Variants in CDH24 observed in about 807,000 individuals in gnomAD.
The protein encoded by CDH24 is cadherin 24.
In CDH24, 61 loss-of-function variants were observed where a neutral mutation model predicts 71.2. That is an observed-to-expected ratio of 0.86 (90% CI 0.70 to 1.06). CDH24 has a LOEUF of 1.06. Among genes scored for constraint, CDH24 ranks in the 50% least tolerant of loss-of-function variants. The probability of loss-of-function intolerance (pLI) is 0.00; values close to 1 mark genes in which losing one functional copy is unlikely to be tolerated. For missense variants in CDH24, 961 were observed against 1,083.7 expected (o/e 0.89, Z 1.59); for synonymous variants, 440 against 470.2 (o/e 0.94, Z 0.83).
At position 23,055,303 on chromosome 14, in the gene CDH24, G is replaced by A. The variant is rs139825200; in HGVS notation, c.252C>T (p.Thr84=). The A allele has an allele frequency of 1.3e-5, 21 of 1,611,240 alleles. No homozygotes were observed. Among genetic ancestry groups the A allele is most frequent in the African/African-American group, 9.4e-5 (7 of 74,820 alleles). Reference sequence around the variant, plus strand: ...CAAATACGGTGCCTGCCCCCTCCCCGGTCAACAGGTACTTGGTGCGGCCCT... The same window carrying A: ...CAAATACGGTGCCTGCCCCCTCCCCAGTCAACAGGTACTTGGTGCGGCCCT... ...RGEGRTKYLL[T]GEGAGTVFVI... The change falls in exon 3 of 13, where the codon ACC becomes ACT. Residue 84 remains threonine (T), a synonymous_variant. Transcript: ENST00000487137. This position sits in a 1 kb window ranked among gnomAD's most constrained non-coding sequence, Gnocchi z 4.1.
Position 23,049,079 on chromosome 14 carries a change from C to T in CDH24, c.1794G>A (p.Gly598=), listed in dbSNP as rs760073680. The T allele has an allele frequency of 6.2e-7, 1 of 1,612,508 alleles. No homozygotes were observed. The highest frequency in any genetic ancestry group is 8.5e-7 in the Non-Finnish European group (1 of 1,179,728). The change falls in exon 11 of 13, where the codon GGG becomes GGA. Residue 598 remains glycine (G), a synonymous_variant. Coordinates refer to ENST00000487137, the MANE Select transcript of CDH24 (RefSeq NM_144985.4). ...TGGCAAGCAGGGCGCCGGTGCTGAG[C>T]CCAGCAGCTGAGAGGTGAGCCTCAG... is the stretch of plus-strand genomic sequence containing the variant. The part of the protein sequence containing the change: ...CWPEAHLSAA[G]LSTGALLAII...
rs757700243 is a variant in CDH24 at position 23,053,519 on chromosome 14, C to T, written c.1203G>A (p.Leu401=). 11 of 1,586,544 alleles carry T rather than the reference C, an allele frequency of 6.9e-6. No individual in the cohort carries two copies. Among genetic ancestry groups the T allele is most frequent in the Non-Finnish European group, 9.5e-6 (11 of 1,159,920 alleles). The stretch of plus-strand genomic sequence containing the variant: ...ACCTGATTGGGCTGGCAGGGGAGTC[C>T]AGGTCAGCCGCGGAGATCTGGCCTA... ...TLVGQISAAD[L]DSPASPIRYS... The change falls in exon 7 of 13, where the codon CTG becomes CTA. Residue 401 remains leucine (L), a synonymous_variant. Transcript: ENST00000487137.
Position 23,048,434 on chromosome 14 carries a change from G to A in CDH24, c.1892C>T (p.Ala631Val), listed in dbSNP as rs375201368. ...GTCCTCCTCCTCCAGTACCATCAGTGCTTCTTGCTTCTGCCGCCGCAGGGC... is the reference window on the plus strand; with the variant it reads ...GTCCTCCTCCTCCAGTACCATCAGTACTTCTTGCTTCTGCCGCCGCAGGGC... ...FVALRRQKQE[A>V]LMVLEEEDVR... The change falls in exon 12 of 13, where the codon GCA becomes GTA. Residue 631 changes from alanine to valine, a missense_variant. Around this residue, in one of 2 missense-constraint regions of CDH24, gnomAD observed 290 missense variants for 272.8 expected, o/e 1.06. Coordinates refer to ENST00000487137, the MANE Select transcript of CDH24 (RefSeq NM_144985.4). The A allele has an allele frequency of 1.2e-6, 2 of 1,611,486 alleles. No homozygotes were observed. Among genetic ancestry groups the A allele is most frequent in the Admixed American group, 1.7e-5 (1 of 60,012 alleles).
chr14:23,051,459 AAATT>A lies in CDH24; in HGVS notation c.1363+1010_1363+1013del, dbSNP rs2047084694. On this transcript the variant is annotated intron_variant, in intron 8 of 12. Coordinates refer to ENST00000487137, the MANE Select transcript of CDH24 (RefSeq NM_144985.4). The surrounding 1 kb of genome is among the most constrained non-coding windows in gnomAD (Gnocchi z 4.4). Reference sequence around the variant, plus strand: ...TAGTGCCTGATAAACAATAAGTAATAAATTATCTGTCCACAAATACCCACATACA... The same window carrying A: ...TAGTGCCTGATAAACAATAAGTAATAATCTGTCCACAAATACCCACATACA... 6.6e-6 allele frequency among the ~76,000 whole-genome samples: 1 copy of A among 152,246 alleles called. No individual in the cohort carries two copies. Among genetic ancestry groups the A allele is most frequent in the African/African-American group, 2.4e-5 (1 of 41,454 alleles).
rs1555368880 is a variant in CDH24 at position 23,054,936 on chromosome 14, G to GA, written c.497-71dup. 1.9e-6 allele frequency: 3 copies of GA among 1,602,968 alleles called. No homozygotes were observed. The highest frequency in any genetic ancestry group is 2.6e-6 in the Non-Finnish European group (3 of 1,174,676). ...TGGGGAAGAACAACCGATGGGGGGG[G>GA]ATGCAGATACGAGGGAGGCTGAATT... On this transcript the variant is annotated intron_variant, in intron 3 of 12. Coordinates refer to ENST00000487137, the MANE Select transcript of CDH24 (RefSeq NM_144985.4). This position sits in a 1 kb window ranked among gnomAD's most constrained non-coding sequence, Gnocchi z 5.2.
chr14:23,049,978 A>G, intron 8 of CDH24, 35 bp from the exon 9 acceptor site: 2 of 1,602,488 alleles, frequency 1.2e-6, no homozygotes, highest in Non-Finnish European at 1.7e-6. Flanking sequence ...CACGCCACAC[A>G]CACACCACAC....
chr14:23,048,831 T>C (rs1251618119), intron 11 of CDH24, among the ~76,000 whole-genome samples, 196 bp downstream of exon 11: 1 of 152,240 alleles, frequency 6.6e-6, no homozygotes, highest in Non-Finnish European at 1.5e-5. Context: ...TTATGGCTTG[T>C]CATTGTCATT....
chr14:23,052,159 G>C, intron 8 of CDH24: 1 of 893,304 alleles, frequency 1.1e-6, no homozygotes, highest in East Asian at 2.6e-5. Context: ...TTTATTTCTG[G>C]GTTGGGGCAA....
rs556707545 is a variant in CDH24, at chr14:23,054,930, G to T, written c.497-64C>A. The stretch of plus-strand genomic sequence containing the variant: ...GAAGGATGGGGAAGAACAACCGATG[G>T]GGGGGGATGCAGATACGAGGGAGGC... On this transcript the variant is annotated intron_variant, in intron 3 of 12. Coordinates refer to ENST00000487137, the MANE Select transcript of CDH24 (RefSeq NM_144985.4). The surrounding 1 kb of genome is among the most constrained non-coding windows in gnomAD (Gnocchi z 5.2). 13 of 1,604,032 alleles carry T rather than the reference G, an allele frequency of 8.1e-6. No individual in the cohort carries two copies. Among genetic ancestry groups the T allele is most frequent in the South Asian group, 6.6e-5 (6 of 90,310 alleles).
At position 23,047,295 on chromosome 14, in the gene CDH24, G is replaced by C. The variant is rs1366859884; in HGVS notation, c.*599C>G. On this transcript the variant is annotated 3_prime_UTR_variant, in exon 13 of 13. Coordinates refer to ENST00000487137, the MANE Select transcript of CDH24 (RefSeq NM_144985.4). ...AGCTCTTGCCCTGGGAGGCAGGCTGGTTCCCTCTCTCAGCTGGAGGCCAGT... is the reference window on the plus strand; with the variant it reads ...AGCTCTTGCCCTGGGAGGCAGGCTGCTTCCCTCTCTCAGCTGGAGGCCAGT... 4 of 152,646 alleles carry C rather than the reference G, an allele frequency of 2.6e-5. No individual in the cohort carries two copies. Among genetic ancestry groups the C allele is most frequent in the Non-Finnish European group, 5.9e-5 (4 of 68,368 alleles). 9.5% of individuals were successfully genotyped at this position (152,646 alleles called of 1,614,324 possible).
chr14:23,050,358 T>C (rs1407097509), intron 8 of CDH24, among the ~76,000 whole-genome samples: 1 of 152,214 alleles, frequency 6.6e-6, no homozygotes, highest in Non-Finnish European at 1.5e-5. Context: ...AAATGCAATG[T>C]ACATGAAGCA....
At position 23,048,167 on chromosome 14, in the gene CDH24, G is replaced by A; in HGVS notation, c.2159C>T (p.Pro720Leu). The A allele has an allele frequency of 7.4e-7, 1 of 1,354,868 alleles. No individual in the cohort carries two copies. Among genetic ancestry groups the A allele is most frequent in the South Asian group, 1.7e-5 (1 of 58,842 alleles). 83.9% of individuals were successfully genotyped at this position (1,354,868 alleles called of 1,614,324 possible). A position where few individuals can be genotyped will look rare whatever the true frequency, so the allele number is the denominator to read the frequency against. The change falls in exon 12 of 13, where the codon CCC (proline) becomes CTC (leucine). Residue 720 changes from proline (P) to leucine (L), a missense_variant. Transcript: ENST00000487137. ...GTACACCTGCACCGAGTCGTACGGG[G>A]GTACGCCGGGGTCCTCGTCCGCCTC... The part of the protein sequence containing the change: ...LREADEDPGV[P>L]PYDSVQVYGY...
rs918625891 is a variant in CDH24, at chr14:23,055,431, T to C, written c.202-78A>G. On this transcript the variant is annotated intron_variant, in intron 2 of 12. Coordinates refer to ENST00000487137, the MANE Select transcript of CDH24 (RefSeq NM_144985.4). This position sits in a 1 kb window ranked among gnomAD's most constrained non-coding sequence, Gnocchi z 4.1. ...AAAGAGTCTAGGTTTGGGTAGAGCGTTGGGAGTCCTGAGGGACCAAGGTCA... is the reference window on the plus strand; with the variant it reads ...AAAGAGTCTAGGTTTGGGTAGAGCGCTGGGAGTCCTGAGGGACCAAGGTCA... 46 of 1,584,576 alleles carry C rather than the reference T, an allele frequency of 2.9e-5. No individual in the cohort carries two copies. The highest frequency in any genetic ancestry group is 3.8e-4 in the Middle Eastern group (2 of 5,322).
Position 23,048,295 on chromosome 14 carries a change from G to A in CDH24, c.2031C>T (p.Gly677=), listed in dbSNP as rs1170277153. 3.8e-6 allele frequency: 6 copies of A among 1,594,058 alleles called. No individual in the cohort carries two copies. The highest frequency in any genetic ancestry group is 1.1e-5 in the South Asian group (1 of 89,852). Reference sequence around the variant, plus strand: ...GCAACACGTCTCGGCGCGCGGGAGGGCCGGGCGCCGGGGGGGCCGCCCCGT... The same window carrying A: ...GCAACACGTCTCGGCGCGCGGGAGGACCGGGCGCCGGGGGGGCCGCCCCGT... ...NPDGAAPPAP[G]PPARRDVLPR... Residue 677 remains glycine (G), a synonymous_variant, in exon 12 of 13, where the codon GGC becomes GGT. Transcript: ENST00000487137.
chr14:23,051,591 A>G lies in CDH24; in HGVS notation c.1363+882T>C, dbSNP rs1490253745. ...ATTCTGTACACTCAACAGTAAACAC[A>G]TATATATCCATTACAGATATATACC... On this transcript the variant is annotated intron_variant, in intron 8 of 12. Coordinates refer to ENST00000487137, the MANE Select transcript of CDH24 (RefSeq NM_144985.4). This position sits in a 1 kb window ranked among gnomAD's most constrained non-coding sequence, Gnocchi z 4.4. Among the ~76,000 whole-genome samples, 2 of 152,228 alleles carry G rather than the reference A, an allele frequency of 1.3e-5. No individual in the cohort carries two copies. The highest frequency in any genetic ancestry group is 2.9e-5 in the Non-Finnish European group (2 of 68,038).
At position 23,047,719 on chromosome 14, in the gene CDH24, G is replaced by A; in HGVS notation, c.*261C>T. ...ATCACAGTGAGAGATCGCAGGGCCA[G>A]GGCCAGGGCAGGAAACCCAGGCCCG... On this transcript the variant is annotated 3_prime_UTR_variant, in exon 12 of 13. Coordinates refer to ENST00000487137, the MANE Select transcript of CDH24 (RefSeq NM_144985.4). 1 of 324,160 alleles carries A rather than the reference G, an allele frequency of 3.1e-6. No individual in the cohort carries two copies. Among genetic ancestry groups the A allele is most frequent in the Non-Finnish European group, 5.6e-6 (1 of 178,332 alleles). The allele number at this position is 324,160 out of a possible 1,614,324, so 20.1% of individuals were successfully genotyped here.
Position 23,053,708 on chromosome 14 carries a change from G to A in CDH24, c.1014C>T (p.Val338=), listed in dbSNP as rs763665789. Residue 338 remains valine, a synonymous_variant, in exon 7 of 13, where the codon GTC becomes GTT. Transcript: ENST00000487137. ...GGTCAATGAGCGTGTTGGTGGCCTC[G>A]ACACGGAAGGAGTAGGAGCGCTGGC... The part of the protein sequence containing the change: ...FESQRSYSFR[V]EATNTLIDPA... 45 of 1,612,734 alleles carry A rather than the reference G, an allele frequency of 2.8e-5. No individual in the cohort carries two copies. Among genetic ancestry groups the A allele is most frequent in the East Asian group, 6.7e-5 (3 of 44,878 alleles).
Position 23,054,981 on chromosome 14 carries a change from G to A in CDH24, c.496+78C>T. Reference sequence around the variant, plus strand: ...TGAATTGAAGGGGGCAGGTTCTGGGGCAGACAACAAGAAGGGAAGGAGAGG... The same window carrying A: ...TGAATTGAAGGGGGCAGGTTCTGGGACAGACAACAAGAAGGGAAGGAGAGG... On this transcript the variant is annotated intron_variant, in intron 3 of 12. Transcript: ENST00000487137. This position sits in a 1 kb window ranked among gnomAD's most constrained non-coding sequence, Gnocchi z 5.2. 1 of 1,588,958 alleles carries A rather than the reference G, an allele frequency of 6.3e-7. No homozygotes were observed. Among genetic ancestry groups the A allele is most frequent in the Non-Finnish European group, 8.6e-7 (1 of 1,164,364 alleles).
intron 8 of CDH24, among the ~76,000 whole-genome samples, chr14:23,050,648 C>T (rs1473710566): frequency 6.6e-6 from 1 of 152,214 alleles, no homozygotes; most frequent in Non-Finnish European, 1.5e-5. Flanking sequence ...GTACCACAGC[C>T]AGACACAGGC....
Sources: allele counts gnomAD v4.1 joint callset (sites outside exome capture counted in the v4.1 genomes callset), GRCh38; gene constraint gnomAD v4.1.1; regional missense constraint gnomAD v4.1.1; non-coding constraint Gnocchi (gnomAD v3.1); transcripts MANE v1.5; gene names NCBI Gene and HGNC (gene_info 2026-07-23, HGNC 2026-07-21).